Variants in ATL2 observed in about 807,000 individuals in gnomAD.
ATL2 encodes atlastin-2.
ATL2 carries 31 observed loss-of-function variants against 73.9 expected under a neutral mutation model. That is an observed-to-expected ratio of 0.42 (90% CI 0.32 to 0.57). The LOEUF is 0.57. ATL2 is among the 20% of genes least tolerant of loss of function. The pLI is 0.14. For missense variants in ATL2, 738 were observed against 702.6 expected (o/e 1.05, Z -0.57); for synonymous variants, 291 against 237.5 (o/e 1.23, Z -2.07).
intron 1 of ATL2, among the ~76,000 whole-genome samples, chr2:38,364,356 G>T (rs183272455): frequency 6.6e-6 from 1 of 152,210 alleles, no homozygotes; most frequent in Admixed American, 6.5e-5. Context: ...CAGAGCAGAG[G>T]AGAGAGAGTC....
intron 1 of ATL2, among the ~76,000 whole-genome samples, chr2:38,360,136 A>G (rs1398586799): frequency 1.0e-4 from 13 of 129,834 alleles, no homozygotes; most frequent in Non-Finnish European, 1.7e-4. Flanking sequence ...TTCAAAAAAA[A>G]AAAAAAAAAA....
chr2:38,346,626 C>T (rs1670030068), intron 1 of ATL2, among the ~76,000 whole-genome samples: 1 of 152,160 alleles, frequency 6.6e-6, no homozygotes, highest in Non-Finnish European at 1.5e-5. Context: ...ATAAGGAGCA[C>T]ACAACCCAGA....
chr2:38,295,365 C>T lies in ATL2; in HGVS notation c.*629G>A, dbSNP rs901873099. 3.3e-5 allele frequency: 5 copies of T among 152,172 alleles called. No homozygotes were observed. Among genetic ancestry groups the T allele is most frequent in the African/African-American group, 1.2e-4 (5 of 41,448 alleles). The allele number at this position is 152,172 out of a possible 1,614,324, so 9.4% of individuals were successfully genotyped here. A position where few individuals can be genotyped will look rare whatever the true frequency, so the allele number is the denominator to read the frequency against. On this transcript the variant is annotated 3_prime_UTR_variant, in exon 13 of 13. Transcript: ENST00000378954. Reference sequence around the variant, plus strand: ...AAGGCTAAACTGCAAAAAGACAGTTCAGTTTCCCAGATATGCATCTCCTTT... The same window carrying T: ...AAGGCTAAACTGCAAAAAGACAGTTTAGTTTCCCAGATATGCATCTCCTTT...
chr2:38,315,224 C>T, intron 5 of ATL2, 60 bp downstream of exon 5: 1 of 1,383,168 alleles, frequency 7.2e-7, no homozygotes, highest in Non-Finnish European at 9.4e-7. Flanking sequence ...GTACTCTAGT[C>T]TGGGGAACAA....
At chr2:38,300,392 A>G in intron 9 of ATL2, 64 bp from the exon 10 acceptor site, 1 of 1,102,828 alleles carries the variant, frequency 9.1e-7, no homozygotes, top group Admixed American at 1.8e-5. Flanking sequence ...TCCCCAAAGA[A>G]AGAAAAGTCA....
At position 38,300,305 on chromosome 2, in the gene ATL2, T is replaced by A. The variant is rs77626845; in HGVS notation, c.1095A>T (p.Gly365=). The A allele has an allele frequency of 5.6e-3, 9,005 of 1,609,476 alleles. 434 individuals carry two copies. In the African/African-American group the frequency reaches 0.1, roughly 19 times the overall value. Residue 365 remains glycine, a synonymous_variant, in exon 10 of 13, where the codon GGA becomes GGT. Transcript: ENST00000378954. ...YFKAYIKIYQ[G]EELPHPKSML... ...TGGACTTTGGATGTGGAAGTTCTTC[T>A]CCTTGATAGATTTTGATGTAAGCCT...
At chr2:38,334,430 G>A (rs866459982) in intron 2 of ATL2, among the ~76,000 whole-genome samples, 8 of 151,870 alleles carry the variant, frequency 5.3e-5, no homozygotes, top group Admixed American at 1.3e-4. Flanking sequence ...GGCCGGGCAC[G>A]GTGGCTCACA....
chr2:38,338,512 G>A (rs1227402965), intron 2 of ATL2, among the ~76,000 whole-genome samples: 1 of 147,628 alleles, frequency 6.8e-6, no homozygotes, highest in Non-Finnish European at 1.5e-5. Context: ...AAGTATAAAT[G>A]AGCCCACACT....
chr2:38,330,699 A>G (rs1267486083), intron 2 of ATL2, among the ~76,000 whole-genome samples: 1 of 152,228 alleles, frequency 6.6e-6, no homozygotes, highest in Non-Finnish European at 1.5e-5. Flanking sequence ...TGCAAAACTT[A>G]TACTCAAAAA....
chr2:38,355,843 G>A (rs922598625), intron 1 of ATL2, among the ~76,000 whole-genome samples: 2 of 151,644 alleles, frequency 1.3e-5, no homozygotes, highest in Non-Finnish European at 2.9e-5. Flanking sequence ...GGGATTACAG[G>A]CACGCACCAC....
intron 1 of ATL2, among the ~76,000 whole-genome samples, chr2:38,359,323 AGCCAGGCGTGGT>A (rs1670868886): frequency 1.3e-5 from 2 of 152,070 alleles, no homozygotes; most frequent in Non-Finnish European, 2.9e-5. Context: ...TACAAAAATT[AGCCAGGCGTGGT>A]GCCACACGCC....
upstream of ATL2, chr2:38,377,367 C>T (rs1476567264): frequency 3.5e-6 from 3 of 850,956 alleles, no homozygotes; most frequent in African/African-American, 2.0e-5. Context: ...CGCCGCTCTC[C>T]GCCTGTATCT....
At chr2:38,313,481 G>A (rs1418342725) in intron 6 of ATL2, among the ~76,000 whole-genome samples, 1 of 152,116 alleles carries the variant, frequency 6.6e-6, no homozygotes, top group Non-Finnish European at 1.5e-5. Context: ...TAAAGAAAGA[G>A]TCACCACAAG....
At chr2:38,356,491 C>A (rs113077785) in intron 1 of ATL2, among the ~76,000 whole-genome samples, 2,816 of 152,274 alleles carry the variant, frequency 0.018, 96 homozygotes, top group African/African-American at 0.065. Flanking sequence ...CCACGCCTGG[C>A]CCATTATTAC....
chr2:38,302,882 A>G (rs1444524514), intron 9 of ATL2, among the ~76,000 whole-genome samples: 3 of 152,232 alleles, frequency 2.0e-5, no homozygotes, highest in Non-Finnish European at 4.4e-5. Flanking sequence ...TGCAAAGACT[A>G]TAACAAATAC....
chr2:38,344,715 C>T (rs1669921855), intron 1 of ATL2, among the ~76,000 whole-genome samples: 1 of 152,006 alleles, frequency 6.6e-6, no homozygotes, highest in South Asian at 2.1e-4. Flanking sequence ...ACAATGAGTC[C>T]CTAATTTAAT....
At chr2:38,296,434 A>C (rs772930749) in intron 12 of ATL2, 1 of 1,559,870 alleles carries the variant, frequency 6.4e-7, no homozygotes, top group East Asian at 2.4e-5. Flanking sequence ...ATTGTCCTAC[A>C]TGTGTAAGTG....
intron 8 of ATL2, 100 bp downstream of exon 8, chr2:38,310,209 C>G: frequency 3.8e-6 from 5 of 1,323,472 alleles, no homozygotes; most frequent in Non-Finnish European, 5.3e-6. Flanking sequence ...CAAACATTCT[C>G]CAGTATAAGA....
chr2:38,313,945 C>A (rs569989920), intron 6 of ATL2, among the ~76,000 whole-genome samples: 12 of 152,110 alleles, frequency 7.9e-5, no homozygotes, highest in Non-Finnish European at 1.5e-4. Context: ...ACCTATATAT[C>A]CAAAAACGAA....
Sources: allele counts gnomAD v4.1 joint callset (sites outside exome capture counted in the v4.1 genomes callset), GRCh38; gene constraint gnomAD v4.1.1; transcripts MANE v1.5; gene names NCBI Gene and HGNC (gene_info 2026-07-23, HGNC 2026-07-21).